The following ST6GALNAC3 variants were observed in gnomAD, a reference collection of about 807,000 sequenced individuals.
ST6GALNAC3 encodes the protein ST6 N-acetylgalactosaminide alpha-2,6-sialyltransferase 3.
ST6GALNAC3 carries 25 observed loss-of-function variants against 32.7 expected under a neutral mutation model. The ratio of observed to expected loss-of-function variants is 0.76; its 90% CI spans 0.56 to 1.07. ST6GALNAC3 has a LOEUF of 1.07. Among genes scored for constraint, ST6GALNAC3 ranks in the 50% least tolerant of loss-of-function variants. The pLI is 0.00. For synonymous variants in ST6GALNAC3, 129 were observed against 133.1 expected (o/e 0.97, Z 0.21); for missense variants, 355 against 382.4 (o/e 0.93, Z 0.60).
chr1:76,438,104 TC>T (rs1407297566), intron 3 of ST6GALNAC3, among the ~76,000 whole-genome samples: 1 of 152,016 alleles, frequency 6.6e-6, no homozygotes, highest in Non-Finnish European at 1.5e-5. Flanking sequence ...TGATCGATCT[TC>T]TACATTTTTT....
At chr1:76,442,035 A>G (rs1656646564) in intron 3 of ST6GALNAC3, among the ~76,000 whole-genome samples, 1 of 152,228 alleles carries the variant, frequency 6.6e-6, no homozygotes, top group Non-Finnish European at 1.5e-5. Flanking sequence ...GTGCAGGTGC[A>G]TGGGGCAAGT....
At chr1:76,625,936 G>C (rs375404775) in intron 3 of ST6GALNAC3, among the ~76,000 whole-genome samples, 79 of 152,006 alleles carry the variant, frequency 5.2e-4, no homozygotes, top group African/African-American at 1.8e-3. Flanking sequence ...CAGAGAGGAT[G>C]TATATGGGCT....
intron 1 of ST6GALNAC3, among the ~76,000 whole-genome samples, chr1:76,084,502 A>G (rs1235318783): frequency 6.6e-6 from 1 of 152,066 alleles, no homozygotes; most frequent in African/African-American, 2.4e-5. Flanking sequence ...CTTTTATTTG[A>G]GTTGTTTCAT....
chr1:76,401,405 C>G (rs1318727996), intron 2 of ST6GALNAC3, among the ~76,000 whole-genome samples: 3 of 152,038 alleles, frequency 2.0e-5, no homozygotes, highest in East Asian at 1.9e-4. Flanking sequence ...GTTTTCATTT[C>G]CCTGCAAAAT....
chr1:76,134,445 T>C (rs900980933), intron 1 of ST6GALNAC3, among the ~76,000 whole-genome samples: 2 of 152,152 alleles, frequency 1.3e-5, no homozygotes, highest in Non-Finnish European at 2.9e-5. Context: ...GACACCGGAG[T>C]TATCCTCCAG....
chr1:76,134,204 G>A (rs1649792494), intron 1 of ST6GALNAC3, among the ~76,000 whole-genome samples: 2 of 152,164 alleles, frequency 1.3e-5, no homozygotes, highest in African/African-American at 2.4e-5. Flanking sequence ...CAAGATGGCT[G>A]CTTCCTCAGC....
chr1:76,204,765 C>T (rs1207520888), intron 1 of ST6GALNAC3, among the ~76,000 whole-genome samples: 2 of 152,078 alleles, frequency 1.3e-5, no homozygotes, highest in African/African-American at 4.8e-5. Context: ...CTTCTCTTAG[C>T]CCTTTGGTAA....
chr1:76,110,046 A>C (rs960472580), intron 1 of ST6GALNAC3, among the ~76,000 whole-genome samples: 1 of 152,222 alleles, frequency 6.6e-6, no homozygotes, highest in African/African-American at 2.4e-5. Flanking sequence ...TAATTTGTTT[A>C]TTGGATATCT....
At chr1:76,479,990 G>C (rs1474155941) in intron 3 of ST6GALNAC3, among the ~76,000 whole-genome samples, 1 of 152,118 alleles carries the variant, frequency 6.6e-6, no homozygotes, top group African/African-American at 2.4e-5. Flanking sequence ...CCTGAAAGTA[G>C]TCAAGTTATC....
intron 3 of ST6GALNAC3, among the ~76,000 whole-genome samples, chr1:76,421,110 A>G (rs1436538912): frequency 6.6e-6 from 1 of 152,124 alleles, no homozygotes; most frequent in East Asian, 1.9e-4. Context: ...CGAGTAAAAG[A>G]AGAAATAACA....
chr1:76,163,467 A>G (rs10873867), intron 1 of ST6GALNAC3, among the ~76,000 whole-genome samples: 84,492 of 152,034 alleles, frequency 0.56, 25,143 homozygotes, highest in East Asian at 0.89. Context: ...ACCATTTTCT[A>G]TGTGTATAAT....
chr1:76,558,961 G>A (rs1261600799), intron 3 of ST6GALNAC3, among the ~76,000 whole-genome samples: 2 of 151,978 alleles, frequency 1.3e-5, no homozygotes, highest in Non-Finnish European at 2.9e-5. Flanking sequence ...AAAAGAGGAG[G>A]CAATGTGCTG....
chr1:76,394,405 G>A (rs1041880606), intron 2 of ST6GALNAC3, among the ~76,000 whole-genome samples: 2 of 152,154 alleles, frequency 1.3e-5, no homozygotes, highest in African/African-American at 4.8e-5. Flanking sequence ...AACTTTCAAA[G>A]TCCTGGTACT....
intron 1 of ST6GALNAC3, among the ~76,000 whole-genome samples, chr1:76,113,786 C>T (rs901459464): frequency 2.6e-5 from 4 of 151,924 alleles, no homozygotes; most frequent in Non-Finnish European, 4.4e-5. Context: ...AGACAAGTAA[C>T]TCCTTTGTTT....
At chr1:76,110,792 G>A (rs191170741) in intron 1 of ST6GALNAC3, among the ~76,000 whole-genome samples, 7 of 152,344 alleles carry the variant, frequency 4.6e-5, no homozygotes, top group African/African-American at 7.2e-5. Flanking sequence ...GGTTTCCTTA[G>A]GGGGAGAATT....
At chr1:76,496,680 C>T (rs939097593) in intron 3 of ST6GALNAC3, among the ~76,000 whole-genome samples, 3 of 152,122 alleles carry the variant, frequency 2.0e-5, no homozygotes, top group African/African-American at 7.2e-5. Flanking sequence ...GGTTTGCTTT[C>T]CTGTGGAGTA....
At chr1:76,457,683 G>T (rs1441445816) in intron 3 of ST6GALNAC3, among the ~76,000 whole-genome samples, 1 of 152,102 alleles carries the variant, frequency 6.6e-6, no homozygotes, top group African/African-American at 2.4e-5. Context: ...CTAGCCATAT[G>T]TAGAAAGCTG....
In ST6GALNAC3 at chr1:76,262,846, TG is replaced by T. The variant is rs1277918527; in HGVS notation, c.19-50957del. On this transcript the variant is annotated intron_variant, in intron 1 of 4. Coordinates refer to ENST00000328299, the MANE Select transcript of ST6GALNAC3 (RefSeq NM_152996.4). The stretch of plus-strand genomic sequence containing the variant: ...TTTCTTACTTCCACGTTCAAAACTA[TG>T]GTGAGCATTCACAGCTGGTATTTCA... Among the ~76,000 whole-genome samples, 5 of 152,280 alleles carry T rather than the reference TG, an allele frequency of 3.3e-5. No individual in the cohort carries two copies. In the South Asian group the frequency reaches 6.2e-4, roughly 19 times the overall value.
chr1:76,317,840 G>A (rs1646894269), intron 2 of ST6GALNAC3, among the ~76,000 whole-genome samples: 1 of 152,114 alleles, frequency 6.6e-6, no homozygotes, highest in African/African-American at 2.4e-5. Flanking sequence ...ATGGGAGGCA[G>A]CAGAATTAGG....
Sources: allele counts gnomAD v4.1 joint callset (sites outside exome capture counted in the v4.1 genomes callset), GRCh38; gene constraint gnomAD v4.1.1; transcripts MANE v1.5; gene names NCBI Gene and HGNC (gene_info 2026-07-23, HGNC 2026-07-21).